Variants in ADARB2 observed in about 807,000 individuals in gnomAD.
ADARB2 encodes inactive double-stranded RNA-specific editase B2.
Under a neutral mutation model 62.2 loss-of-function variants are expected in ADARB2, and 25 were observed. That is an observed-to-expected ratio of 0.40 (90% CI 0.29 to 0.56). The LOEUF (loss-of-function observed/expected upper bound fraction) is 0.56, where lower values mean the gene tolerates loss of function less well. Among genes scored for constraint, ADARB2 ranks in the 20% least tolerant of loss-of-function variants. The pLI is 0.43. For missense variants in ADARB2, 1,071 were observed against 1,077.4 expected, an observed-to-expected ratio of 0.99 and a Z score of 0.08; for synonymous variants, 572 against 500.8, an observed-to-expected ratio of 1.14 and a Z score of -1.90.
At chr10:1,493,896 C>T (rs1288705795) in intron 1 of ADARB2, among the ~76,000 whole-genome samples, 1 of 151,802 alleles carries the variant, frequency 6.6e-6, no homozygotes, top group African/African-American at 2.4e-5. Context: ...GCTGGGATTA[C>T]AGGCGTGCGC....
intron 1 of ADARB2, among the ~76,000 whole-genome samples, chr10:1,618,554 A>T (rs1833669762): frequency 6.8e-6 from 1 of 146,860 alleles, no homozygotes; most frequent in African/African-American, 2.5e-5. Flanking sequence ...TAAAAATCAG[A>T]TTTTTTTTTG....
At chr10:1,497,433 GAA>G (rs1446493303) in intron 1 of ADARB2, among the ~76,000 whole-genome samples, 1 of 152,132 alleles carries the variant, frequency 6.6e-6, no homozygotes, top group African/African-American at 2.4e-5. Context: ...GAAATATGCA[GAA>G]AACACATGTT....
At chr10:1,439,982 A>G (rs1830884632) in intron 1 of ADARB2, among the ~76,000 whole-genome samples, 1 of 141,710 alleles carries the variant, frequency 7.1e-6, no homozygotes, top group Non-Finnish European at 1.5e-5. Flanking sequence ...TTTCTTCACT[A>G]TGGGGCTCCT....
intron 1 of ADARB2, among the ~76,000 whole-genome samples, chr10:1,622,193 G>A (rs938651834): frequency 1.5e-4 from 23 of 152,088 alleles, no homozygotes; most frequent in Non-Finnish European, 2.4e-4. Flanking sequence ...TACACAAAAC[G>A]CACAATGAAC....
chr10:1,199,272 C>G (rs1054103164), intron 8 of ADARB2, among the ~76,000 whole-genome samples: 7 of 150,978 alleles, frequency 4.6e-5, no homozygotes, highest in Non-Finnish European at 1.0e-4. Context: ...GTCAGTGTGT[C>G]CTTCACAAAA....
At chr10:1,486,943 C>T (rs753499327) in intron 1 of ADARB2, among the ~76,000 whole-genome samples, 5 of 152,236 alleles carry the variant, frequency 3.3e-5, no homozygotes, top group African/African-American at 1.2e-4. Context: ...AGAGAACACG[C>T]GAATCTCTGT....
chr10:1,647,387 G>A (rs571016080), intron 1 of ADARB2, among the ~76,000 whole-genome samples: 39 of 151,180 alleles, frequency 2.6e-4, no homozygotes, highest in East Asian at 7.8e-4. Context: ...ATATGTATGC[G>A]TATACATGTG....
chr10:1,486,205 G>C (rs1296646031), intron 1 of ADARB2, among the ~76,000 whole-genome samples: 1 of 130,852 alleles, frequency 7.6e-6, no homozygotes, highest in African/African-American at 3.3e-5. Context: ...TATGTGTGTG[G>C]ACGCCTGTGT....
chr10:1,523,053 T>A (rs1487622315), intron 1 of ADARB2, among the ~76,000 whole-genome samples: 2 of 152,208 alleles, frequency 1.3e-5, no homozygotes, highest in African/African-American at 4.8e-5. Flanking sequence ...CTTGGTGACA[T>A]CATCCTTTTG....
At chr10:1,594,993 G>A (rs1157632570) in intron 1 of ADARB2, among the ~76,000 whole-genome samples, 1 of 152,188 alleles carries the variant, frequency 6.6e-6, no homozygotes. Context: ...ATCTGAGGAA[G>A]TGCAGGAAGC....
intron 1 of ADARB2, among the ~76,000 whole-genome samples, chr10:1,446,988 A>T (rs561776399): frequency 6.6e-6 from 1 of 152,210 alleles, no homozygotes; most frequent in East Asian, 1.9e-4. Flanking sequence ...TTCATTTAGG[A>T]AATATTTGAA....
At chr10:1,406,130 C>T (rs900069336) in intron 1 of ADARB2, among the ~76,000 whole-genome samples, 1 of 152,224 alleles carries the variant, frequency 6.6e-6, no homozygotes, top group East Asian at 1.9e-4. Context: ...TTAAAATCTC[C>T]AGCCATGGTG....
At chr10:1,695,075 T>C (rs930595672) in intron 1 of ADARB2, among the ~76,000 whole-genome samples, 1 of 152,156 alleles carries the variant, frequency 6.6e-6, no homozygotes, top group Non-Finnish European at 1.5e-5. Context: ...TTGGGTTTTG[T>C]GCAGCGAGGA....
At chr10:1,277,299 A>G (rs1831326653) in intron 3 of ADARB2, among the ~76,000 whole-genome samples, 1 of 152,240 alleles carries the variant, frequency 6.6e-6, no homozygotes, top group Non-Finnish European at 1.5e-5. Context: ...AACCCTTCAA[A>G]AAATTAATGA....
chr10:1,249,981 C>T (rs922878892), intron 4 of ADARB2, among the ~76,000 whole-genome samples: 6 of 150,676 alleles, frequency 4.0e-5, no homozygotes, highest in Admixed American at 2.0e-4. Context: ...TGGCAGCAAA[C>T]GAGATAATAG....
At chr10:1,364,060 CAGAG>C (rs1436898580) in intron 2 of ADARB2, 143 bp from the exon 3 acceptor site, 2 of 1,210,820 alleles carry the variant, frequency 1.7e-6, no homozygotes, top group African/African-American at 3.3e-5. Context: ...CTGTGGCCGC[CAGAG>C]AGAGGGAGCC....
At chr10:1,465,542 C>T (rs952020782) in intron 1 of ADARB2, among the ~76,000 whole-genome samples, 3 of 152,346 alleles carry the variant, frequency 2.0e-5, no homozygotes, top group South Asian at 2.1e-4. Context: ...GCCCCAGAAT[C>T]GCCCTGTAGA....
At chr10:1,448,118 G>A (rs11250527) in intron 1 of ADARB2, among the ~76,000 whole-genome samples, 8,098 of 152,220 alleles carry the variant, frequency 0.053, 693 homozygotes, top group African/African-American at 0.18. Flanking sequence ...TAGTTATCGA[G>A]GGGGAAAGAT....
chr10:1,241,395 C>G, intron 5 of ADARB2, among the ~76,000 whole-genome samples: 1 of 152,228 alleles, frequency 6.6e-6, no homozygotes, highest in Admixed American at 6.5e-5. Flanking sequence ...CAAAGCCCCC[C>G]AAGGTCCCAT....
Sources: allele counts gnomAD v4.1 joint callset (sites outside exome capture counted in the v4.1 genomes callset), GRCh38; gene constraint gnomAD v4.1.1; transcripts MANE v1.5; gene names NCBI Gene and HGNC (gene_info 2026-07-23, HGNC 2026-07-21).